The following TIMM17B variants were observed in gnomAD, a reference collection of about 807,000 sequenced individuals.
TIMM17B encodes mitochondrial import inner membrane translocase subunit Tim17-B.
TIMM17B carries 10 observed loss-of-function variants against 15.9 expected under a neutral mutation model. That is an observed-to-expected ratio of 0.63 (90% CI 0.39 to 1.06). TIMM17B has a LOEUF of 1.06. Ranked by LOEUF, TIMM17B falls within the 50% of genes least tolerant of loss-of-function variation. TIMM17B has a pLI of 0.01. For synonymous variants in TIMM17B, 57 were observed against 57.2 expected (o/e 1.00, Z 0.02); for missense variants, 114 against 152.2 (o/e 0.75, Z 1.32).
chrX:48,893,766 G>C (rs782476205), exon 7 of TIMM17B: 1 of 1,166,298 alleles, frequency 8.6e-7, no homozygotes, highest in East Asian at 3.0e-5. Context: ...GCCTGGGGCC[G>C]GGGTGCCATC....
chrX:48,897,843 G>A (rs1415109333), intron 1 of TIMM17B, 75 bp from the exon 1 acceptor site: 1 of 1,124,800 alleles, frequency 8.9e-7, no homozygotes, highest in Non-Finnish European at 1.2e-6. Context: ...CAGCGATTGG[G>A]TCGCTATACC....
intron 3 of TIMM17B, chrX:48,896,474 G>T: frequency 6.4e-6 from 2 of 310,949 alleles, no homozygotes; most frequent in East Asian, 6.6e-5. Flanking sequence ...AAAAAAAACT[G>T]TCTGGCTTTG....
chrX:48,897,629 C>A, intron 2 of TIMM17B, 95 bp downstream of exon 1: 1 of 713,614 alleles, frequency 1.4e-6, no homozygotes, highest in Non-Finnish European at 2.2e-6. Context: ...GAGTCTGGTA[C>A]ATGGCTCTGT....
chrX:48,896,634 G>A lies in TIMM17B; in HGVS notation c.126+125C>T, dbSNP rs2063315683. 5.4e-6 allele frequency: 6 copies of A among 1,120,882 alleles called. No individual in the cohort carries two copies. In the South Asian group the frequency reaches 1.1e-4, roughly 20 times the overall value. The allele number at this position is 1,120,882 out of a possible 1,213,427, so 92.4% of individuals were successfully genotyped here. ...ATACAGGAGCCAGGCTCGGCACATA[G>A]TAGGTGAGTGGGCACCAGAATGAAT... On this transcript the variant is annotated intron_variant, in intron 3 of 6. Coordinates refer to ENST00000376582, the Ensembl canonical transcript of TIMM17B.
exon 2 of TIMM17B, chrX:48,897,767 G>T (rs2063329572): frequency 8.3e-7 from 1 of 1,208,285 alleles, no homozygotes; most frequent in South Asian, 1.8e-5. Context: ...GCGTCTGGCC[G>T]CGCAGTCAGG....
chrX:48,895,494 A>C (rs1389877005), intron 3 of TIMM17B: 3 of 513,766 alleles, frequency 5.8e-6, no homozygotes, highest in Non-Finnish European at 1.0e-5. Context: ...TTCAGACAGC[A>C]ATCTGCACTG....
At chrX:48,894,287 A>T in intron 4 of TIMM17B, 62 bp from the exon 4 acceptor site, 1 of 1,145,427 alleles carries the variant, frequency 8.7e-7, no homozygotes, top group Non-Finnish European at 1.2e-6. Flanking sequence ...ATCTCAGGGG[A>T]CTTCCAAGGC....
exon 2 of TIMM17B, chrX:48,897,750 G>A (rs376531005): frequency 1.7e-6 from 2 of 1,208,612 alleles, no homozygotes; most frequent in African/African-American, 3.5e-5. Context: ...ACTCCTCCAT[G>A]GCGCTGGCGT....
Position 48,897,507 on chromosome X carries a change from A to C in TIMM17B, c.26+217T>G. 3 of 439,765 alleles carry C rather than the reference A, an allele frequency of 6.8e-6. 1 individual carries two copies. Among genetic ancestry groups the C allele is most frequent in the Non-Finnish European group, 1.2e-5 (3 of 250,672 alleles). 36.2% of individuals were successfully genotyped at this position (439,765 alleles called of 1,213,427 possible). A position where few individuals can be genotyped will look rare whatever the true frequency, so the allele number is the denominator to read the frequency against. On this transcript the variant is annotated intron_variant, in intron 2 of 6. Transcript: ENST00000376582. ...GCTAGGAGATTACGAAGTCAGGAGA[A>C]ACATGGCGTGGTTCGGCCTTCGCCG...
At chrX:48,896,719 T>C (rs781792878) in intron 3 of TIMM17B, 40 bp downstream of exon 2, 3 of 1,207,989 alleles carry the variant, frequency 2.5e-6, no homozygotes, top group East Asian at 5.9e-5. Flanking sequence ...GTGGGCAAGA[T>C]AGCTAACCCC....
intron 3 of TIMM17B, chrX:48,896,009 G>C (rs1602311652): frequency 8.8e-6 from 1 of 113,395 alleles, no homozygotes; most frequent in African/African-American, 3.3e-5. Context: ...ATAATTAGCC[G>C]GGCATGGTGG....
chrX:48,896,503 G>T, intron 3 of TIMM17B: 1 of 461,703 alleles, frequency 2.2e-6, no homozygotes, highest in Non-Finnish European at 3.4e-6. Context: ...TTTAAAATTT[G>T]GTGATGACTC....
chrX:48,895,122 C>A, intron 3 of TIMM17B, 21 bp from the exon 3 acceptor site: 3 of 1,172,164 alleles, frequency 2.6e-6, no homozygotes, highest in Non-Finnish European at 2.3e-6. Context: ...GAAGGAAGGG[C>A]GTTAGGGCAG....
exon 3 of TIMM17B, chrX:48,896,834 G>A: frequency 8.3e-7 from 1 of 1,210,390 alleles, no homozygotes. Context: ...AGGCTCCACC[G>A]CAATCATCCA....
intron 3 of TIMM17B, 40 bp from the exon 3 acceptor site, chrX:48,895,141 C>A: frequency 9.2e-7 from 1 of 1,085,601 alleles, no homozygotes; most frequent in Non-Finnish European, 1.2e-6. Context: ...AGGGCTGAAG[C>A]CACTGGCAGA....
chrX:48,895,894 C>G lies in TIMM17B; in HGVS notation c.127-793G>C, dbSNP rs782494590. ...GTGGCTAACACCTGTAATCCCAGCA[C>G]TTTGGGAGGCTGAGGTGGGTGGATC... On this transcript the variant is annotated intron_variant, in intron 3 of 6. Coordinates refer to ENST00000376582, the Ensembl canonical transcript of TIMM17B. The G allele has an allele frequency of 7.4e-5, 10 of 135,478 alleles. No individual in the cohort carries two copies. In the South Asian group the frequency reaches 2.1e-3, roughly 28 times the overall value. The allele number at this position is 135,478 out of a possible 1,213,427, so 11.2% of individuals were successfully genotyped here.
intron 4 of TIMM17B, among the ~76,000 whole-genome samples, chrX:48,894,744 A>G (rs1349269676): frequency 8.9e-6 from 1 of 111,801 alleles, no homozygotes; most frequent in African/African-American, 3.3e-5. Flanking sequence ...CATAAACTAT[A>G]AAACTACCGA....
chrX:48,896,961 A>G, intron 2 of TIMM17B, 103 bp from the exon 2 acceptor site: 1 of 1,151,494 alleles, frequency 8.7e-7, no homozygotes, highest in Non-Finnish European at 1.2e-6. Context: ...CAGAATGGGA[A>G]GTTCCTAAGT....
chrX:48,895,624 G>C (rs2063303462), intron 3 of TIMM17B: 2 of 451,558 alleles, frequency 4.4e-6, no homozygotes. Context: ...ATCCAGGGAG[G>C]AGAGTTCCAG....
Sources: gnomAD v4.1 joint callset for allele counts (sites outside exome capture counted in the v4.1 genomes callset) on GRCh38, gnomAD v4.1.1 for gene constraint, MANE v1.5 for transcripts, NCBI Gene and HGNC (gene_info 2026-07-23, HGNC 2026-07-21) for gene names.